RNF213: variants seen among roughly 807,000 people sequenced by gnomAD.
RNF213 encodes ring finger protein 213.
A neutral mutation model predicts 514.4 loss-of-function variants in RNF213; 341 were observed. That is an observed-to-expected ratio of 0.66 (90% confidence interval 0.61 to 0.73). The LOEUF (loss-of-function observed/expected upper bound fraction) is 0.73. Ranked by LOEUF, RNF213 falls within the 30% of genes least tolerant of loss-of-function variation. The probability of loss-of-function intolerance (pLI) is 0.00; values close to 1 mark genes in which losing one functional copy is unlikely to be tolerated. For synonymous variants in RNF213, 2,655 were observed against 2,658.2 expected (o/e 1.00, Z 0.04); for missense variants, 5,767 against 6,615.6 (o/e 0.87, Z 4.45).
chr17:80,295,805 A>ACAT lies in RNF213; in HGVS notation c.2005_2006insATC (p.Ile668_Pro669insHis). ...GTGACCTAAGCCACATCCTTGGGAT[A>ACAT]CCTCAGAGGTATTATTATTTTTTGT... is the stretch of plus-strand genomic sequence containing the variant. On this transcript the variant is annotated inframe_insertion, in exon 10 of 68. Transcript: ENST00000582970. 2 of 1,614,194 alleles carry ACAT rather than the reference A, an allele frequency of 1.2e-6. No homozygotes were observed. Among genetic ancestry groups the ACAT allele is most frequent in the Non-Finnish European group, 1.7e-6 (2 of 1,180,020 alleles).
intron 60 of RNF213, 67 bp downstream of exon 60, chr17:80,385,238 G>GTC: frequency 6.3e-7 from 1 of 1,595,040 alleles, no homozygotes; most frequent in Non-Finnish European, 8.6e-7. Context: ...TCACTGCATA[G>GTC]GGGAACAGGG....
intron 22 of RNF213, among the ~76,000 whole-genome samples, chr17:80,334,713 G>T (rs1326800638): frequency 2.0e-5 from 3 of 149,498 alleles, no homozygotes; most frequent in Non-Finnish European, 4.4e-5. Flanking sequence ...TGCAAGCTCT[G>T]CCTCCCGGGT....
At position 80,369,259 on chromosome 17, in the gene RNF213, G is replaced by A. The variant is rs548464681; in HGVS notation, c.12156-243G>A. On this transcript the variant is annotated intron_variant, in intron 44 of 67. Transcript: ENST00000582970. ...ACTAAAAATACAAAATTAGCCAGGC[G>A]TGATGGTGCGTGCCTGTAATCCCAG... Among the ~76,000 whole-genome samples the A allele has an allele frequency of 3.3e-5, 5 of 152,188 alleles. No homozygotes were observed. The South Asian group carries it at 6.2e-4, about 19-fold the overall frequency.
At chr17:80,293,806 G>A (rs529796862) in intron 8 of RNF213, among the ~76,000 whole-genome samples, 4 of 151,842 alleles carry the variant, frequency 2.6e-5, no homozygotes, top group Non-Finnish European at 5.9e-5. Flanking sequence ...CAGCCTGGGC[G>A]ACAGAGGGAG....
chr17:80,359,116 C>T (rs1235458033), intron 37 of RNF213, among the ~76,000 whole-genome samples: 2 of 152,138 alleles, frequency 1.3e-5, no homozygotes, highest in Non-Finnish European at 2.9e-5. Flanking sequence ...GGTGGAGCGG[C>T]ACAGCCCCCA....
At chr17:80,357,012 C>T (rs1286787037) in intron 36 of RNF213, among the ~76,000 whole-genome samples, 4 of 151,750 alleles carry the variant, frequency 2.6e-5, no homozygotes, top group African/African-American at 7.3e-5. Flanking sequence ...TTCTGCCTCC[C>T]GGGTTCAAGC....
intron 3 of RNF213, among the ~76,000 whole-genome samples, chr17:80,285,374 C>T (rs923312533): frequency 1.3e-5 from 2 of 152,224 alleles, no homozygotes; most frequent in African/African-American, 4.8e-5. Context: ...ATGGCAGCCC[C>T]GGAGGTACCA....
At chr17:80,321,043 A>C (rs1162278442) in intron 17 of RNF213, 2 of 152,238 alleles carry the variant, frequency 1.3e-5, no homozygotes, top group Non-Finnish European at 2.9e-5. Flanking sequence ...GTTTACGTTA[A>C]GTATTCCTTA....
At chr17:80,376,211 T>C in intron 51 of RNF213, 90 bp from the exon 52 acceptor site, 1 of 1,451,520 alleles carries the variant, frequency 6.9e-7, no homozygotes, top group Non-Finnish European at 9.6e-7. Flanking sequence ...TACCTTGATA[T>C]TTGATGTGTA....
chr17:80,270,737 G>A (rs139980431), intron 2 of RNF213, among the ~76,000 whole-genome samples: 6 of 152,258 alleles, frequency 3.9e-5, no homozygotes, highest in African/African-American at 7.2e-5. Context: ...TTTATACTGG[G>A]AACAGCCTGA....
In RNF213 at chr17:80,263,558, G is replaced by A; in HGVS notation, c.-108-16G>A. 1.2e-6 allele frequency: 1 copy of A among 841,502 alleles called. No individual in the cohort carries two copies. Among genetic ancestry groups the A allele is most frequent in the South Asian group, 1.4e-5 (1 of 73,246 alleles). The allele number at this position is 841,502 out of a possible 1,614,324, so 52.1% of individuals were successfully genotyped here. A position where few individuals can be genotyped will look rare whatever the true frequency, so the allele number is the denominator to read the frequency against. ...ACCAGGGGACCAGCTGGGCTGCTGT[G>A]ATTTCACTTTCGCAGAAAATGAAAC... is the stretch of plus-strand genomic sequence containing the variant. On this transcript the variant is annotated splice_polypyrimidine_tract_variant and intron_variant, in intron 1 of 67. Coordinates refer to ENST00000582970, the MANE Select transcript of RNF213 (RefSeq NM_001256071.3). The surrounding 1 kb of genome is among the most constrained non-coding windows in gnomAD (Gnocchi z 4.9).
chr17:80,383,914 C>T lies in RNF213; in HGVS notation c.14308C>T (p.His4770Tyr), dbSNP rs1396518678. Residue 4770 changes from histidine (H) to tyrosine (Y), a missense_variant, in exon 59 of 68, where the codon CAT (histidine) becomes TAT (tyrosine). Transcript: ENST00000582970. ...CAAAGAAAGAGTGCCCATCCTCTGG[C>T]ATTTCCTGCAGAAGGTATGTCTGGC... ...NGKERVPILW[H>Y]FLQKEAELRL... 6.2e-7 allele frequency: 1 copy of T among 1,614,056 alleles called. No individual in the cohort carries two copies. The highest frequency in any genetic ancestry group is 1.3e-5 in the African/African-American group (1 of 74,904).
In RNF213 at chr17:80,303,572, T is replaced by C. The variant is rs533010425; in HGVS notation, c.2211-2680T>C. Among the ~76,000 whole-genome samples the C allele has an allele frequency of 4.1e-4, 61 of 149,232 alleles. 1 individual carries two copies. Among genetic ancestry groups the C allele is most frequent in the South Asian group, 1.7e-3 (8 of 4,732 alleles). On this transcript the variant is annotated intron_variant, in intron 11 of 67. Transcript: ENST00000582970. Reference sequence around the variant, plus strand: ...TTTCTTTTTTCTTTTCTTTTCTTTTTTTTTTTTTTTTGAGACAGTCCTGCT... The same window carrying C: ...TTTCTTTTTTCTTTTCTTTTCTTTTCTTTTTTTTTTTGAGACAGTCCTGCT...
Position 80,327,886 on chromosome 17 carries a change from G to C in RNF213, c.3264G>C (p.Val1088=). The change falls in exon 19 of 68, where the codon GTG becomes GTC. Residue 1088 remains valine (V), a synonymous_variant. Coordinates refer to ENST00000582970, the MANE Select transcript of RNF213 (RefSeq NM_001256071.3). ...GGCTGATAGCTGTTGCCGACTCTGT[G>C]TTGACGAAAGTTGTTGGTGACCTCC... ...AKRLIAVADS[V]LTKVVGDLLS... is the part of the protein sequence containing the mutation. The C allele has an allele frequency of 6.5e-7, 1 of 1,537,252 alleles. No individual in the cohort carries two copies.
chr17:80,357,017 T>C (rs2078853610), intron 36 of RNF213, among the ~76,000 whole-genome samples: 1 of 151,736 alleles, frequency 6.6e-6, no homozygotes, highest in African/African-American at 2.4e-5. Context: ...CCTCCCGGGT[T>C]CAAGCGATTC....
chr17:80,301,208 C>T (rs1490146307), intron 11 of RNF213, among the ~76,000 whole-genome samples: 5 of 152,138 alleles, frequency 3.3e-5, no homozygotes, highest in African/African-American at 7.2e-5. Flanking sequence ...GTCGTGAAAT[C>T]TTTGCCCATT....
intron 36 of RNF213, 90 bp downstream of exon 36, chr17:80,354,666 G>A: frequency 6.7e-7 from 1 of 1,496,852 alleles, no homozygotes; most frequent in Non-Finnish European, 9.2e-7. Flanking sequence ...TCCGGGCCAT[G>A]GGGACTGAGC....
chr17:80,345,253 T>C lies in RNF213; in HGVS notation c.6918T>C (p.Val2306=). The C allele has an allele frequency of 6.2e-7, 1 of 1,614,022 alleles. No individual in the cohort carries two copies. Among genetic ancestry groups the C allele is most frequent in the Non-Finnish European group, 8.5e-7 (1 of 1,180,000 alleles). The part of the protein sequence containing the change: ...KRWESEPHPY[V]FFNDDHTTMT... ...GGGAGTCGGAGCCTCACCCATACGTTTTCTTCAATGACGACCACACAACCA... is the reference window on the plus strand; with the variant it reads ...GGGAGTCGGAGCCTCACCCATACGTCTTCTTCAATGACGACCACACAACCA... The change falls in exon 29 of 68, where the codon GTT becomes GTC. Residue 2306 remains valine (V), a synonymous_variant. Transcript: ENST00000582970. The surrounding 1 kb of genome is among the most constrained non-coding windows in gnomAD (Gnocchi z 6.0).
rs78796464 is a variant in RNF213, at chr17:80,288,898, C to G, written c.933+143C>G. On this transcript the variant is annotated intron_variant, in intron 5 of 67. Coordinates refer to ENST00000582970, the MANE Select transcript of RNF213 (RefSeq NM_001256071.3). This position sits in a 1 kb window ranked among gnomAD's most constrained non-coding sequence, Gnocchi z 4.9. ...AAAGCTCTGGCCTTCGGGGTGCTCA[C>G]ATTCCAGCGGAGAGAGAGTCAGGAA... is the stretch of plus-strand genomic sequence containing the variant. 2.9e-4 allele frequency: 412 copies of G among 1,423,524 alleles called. 1 individual carries two copies. In the African/African-American group the frequency reaches 5.5e-3, roughly 19 times the overall value. 88.2% of individuals were successfully genotyped at this position (1,423,524 alleles called of 1,614,324 possible).
Sources: allele counts gnomAD v4.1 joint callset (sites outside exome capture counted in the v4.1 genomes callset), GRCh38; gene constraint gnomAD v4.1.1; non-coding constraint Gnocchi (gnomAD v3.1); transcripts MANE v1.5; gene names NCBI Gene and HGNC (gene_info 2026-07-23, HGNC 2026-07-21).